Variants in MCC observed in about 807,000 individuals in gnomAD.
The protein encoded by MCC is MCC regulator of Wnt signaling pathway, also known as colorectal mutant cancer protein.
Under a neutral mutation model 116.2 loss-of-function variants are expected in MCC, and 90 were observed. That is an observed-to-expected ratio of 0.77 (90% confidence interval 0.65 to 0.92). The LOEUF (loss-of-function observed/expected upper bound fraction) is 0.92. Among genes scored for constraint, MCC ranks in the 40% least tolerant of loss-of-function variants. MCC has a pLI of 0.00. For missense variants in MCC, 1,516 were observed against 1,312.2 expected (o/e 1.16, Z -2.40); for synonymous variants, 578 against 510.5 (o/e 1.13, Z -1.78).
intron 3 of MCC, among the ~76,000 whole-genome samples, chr5:113,178,116 G>A (rs772362993): frequency 2.3e-4 from 35 of 152,322 alleles, no homozygotes; most frequent in South Asian, 1.2e-3. Context: ...GGGTATGAGT[G>A]GCAGCGGAAG....
chr5:113,189,866 A>G (rs1762070189), intron 3 of MCC, among the ~76,000 whole-genome samples: 1 of 152,190 alleles, frequency 6.6e-6, no homozygotes, highest in Non-Finnish European at 1.5e-5. Flanking sequence ...AAGCCCAGTA[A>G]CCACCATTAC....
chr5:113,232,941 C>A (rs1763990631), intron 3 of MCC, among the ~76,000 whole-genome samples: 1 of 152,048 alleles, frequency 6.6e-6, no homozygotes, highest in African/African-American at 2.4e-5. Flanking sequence ...AGGAGCAGAA[C>A]CAGGATTGGA....
At chr5:113,065,688 C>T (rs1753555297) in intron 13 of MCC, among the ~76,000 whole-genome samples, 1 of 152,192 alleles carries the variant, frequency 6.6e-6, no homozygotes, top group Admixed American at 6.5e-5. Flanking sequence ...GAATGAATGC[C>T]TGTGACATCA....
At chr5:113,027,583 G>A (rs1424051845) in intron 18 of MCC, 101 bp from the exon 19 acceptor site, 1 of 1,047,556 alleles carries the variant, frequency 9.5e-7, no homozygotes. Flanking sequence ...GCACTGCTCT[G>A]AAGAAAGATC....
At chr5:113,107,248 C>A (rs537193425) in intron 6 of MCC, among the ~76,000 whole-genome samples, 4 of 137,970 alleles carry the variant, frequency 2.9e-5, no homozygotes, top group Non-Finnish European at 6.1e-5. Context: ...GATGGAGTCT[C>A]GCTCTGTCTC....
intron 3 of MCC, among the ~76,000 whole-genome samples, chr5:113,197,482 G>A (rs1762470636): frequency 6.6e-6 from 1 of 152,134 alleles, no homozygotes; most frequent in Non-Finnish European, 1.5e-5. Flanking sequence ...TGAAGAGGGT[G>A]AATTGTATGA....
At chr5:113,043,771 G>T in intron 16 of MCC, 141 bp from the exon 17 acceptor site, 1 of 612,730 alleles carries the variant, frequency 1.6e-6, no homozygotes, top group Non-Finnish European at 2.9e-6. Context: ...TCATGCCAAA[G>T]GGGAAAGCCT....
intron 11 of MCC, among the ~76,000 whole-genome samples, chr5:113,075,936 T>C (rs1156272477): frequency 6.6e-6 from 1 of 152,178 alleles, no homozygotes; most frequent in Non-Finnish European, 1.5e-5. Context: ...TGCGCCCCCT[T>C]TAAGAGCTGT....
At chr5:113,263,343 C>G (rs2150349429) in intron 3 of MCC, among the ~76,000 whole-genome samples, 1 of 152,294 alleles carries the variant, frequency 6.6e-6, no homozygotes, top group East Asian at 1.9e-4. Context: ...CAAGAGGAGA[C>G]ATCTACTCAG....
At chr5:113,481,101 A>T (rs1028143000) in intron 1 of MCC, among the ~76,000 whole-genome samples, 8 of 152,162 alleles carry the variant, frequency 5.3e-5, no homozygotes, top group African/African-American at 1.7e-4. Context: ...AAATATGAAG[A>T]AGTTTTAGAA....
intron 1 of MCC, among the ~76,000 whole-genome samples, chr5:113,478,704 TA>T (rs975684613): frequency 1.5e-4 from 23 of 152,124 alleles, no homozygotes; most frequent in African/African-American, 5.6e-4. Flanking sequence ...GACAAATGAC[TA>T]AAATTTGGAA....
intron 1 of MCC, among the ~76,000 whole-genome samples, chr5:113,395,558 T>C (rs113998419): frequency 0.014 from 2,176 of 152,302 alleles, 22 homozygotes; most frequent in Middle Eastern, 0.027. Flanking sequence ...TTCCCCTACC[T>C]GCTCCTTTTC....
intron 3 of MCC, chr5:113,234,501 C>T (rs1764059374): frequency 6.6e-6 from 1 of 152,174 alleles, no homozygotes; most frequent in Non-Finnish European, 1.5e-5. Context: ...AGTAGAGGAG[C>T]ACACTGCAGC....
chr5:113,204,803 C>G (rs1762839138), intron 3 of MCC, among the ~76,000 whole-genome samples: 1 of 152,194 alleles, frequency 6.6e-6, no homozygotes, highest in Non-Finnish European at 1.5e-5. Context: ...TGTCAGATAG[C>G]AGACCTCAAA....
At chr5:113,292,256 A>T (rs114398187) in intron 3 of MCC, among the ~76,000 whole-genome samples, 5,435 of 152,238 alleles carry the variant, frequency 0.036, 326 homozygotes, top group African/African-American at 0.12. Flanking sequence ...ATAAAAATTT[A>T]AAAAATTAGT....
At chr5:113,125,671 T>C (rs1019578782) in intron 5 of MCC, among the ~76,000 whole-genome samples, 9 of 152,162 alleles carry the variant, frequency 5.9e-5, no homozygotes, top group Non-Finnish European at 1.3e-4. Flanking sequence ...TATTGTTCCA[T>C]CAAGAGCTAT....
chr5:113,484,845 T>C (rs1304904261), intron 1 of MCC, among the ~76,000 whole-genome samples: 1 of 152,184 alleles, frequency 6.6e-6, no homozygotes, highest in Non-Finnish European at 1.5e-5. Context: ...CCACCTTCTA[T>C]AATATGGTAT....
At chr5:113,276,600 A>AAG (rs1291494196) in intron 3 of MCC, among the ~76,000 whole-genome samples, 1 of 152,202 alleles carries the variant, frequency 6.6e-6, no homozygotes, top group Non-Finnish European at 1.5e-5. Context: ...TATGATATAT[A>AAG]AGATGGACTA....
At chr5:113,295,466 T>C (rs563539995) in intron 3 of MCC, among the ~76,000 whole-genome samples, 3 of 152,208 alleles carry the variant, frequency 2.0e-5, no homozygotes, top group South Asian at 2.1e-4. Flanking sequence ...AAGATGTCGA[T>C]AGGCTCCCCA....
Sources: gnomAD v4.1 joint callset for allele counts (sites outside exome capture counted in the v4.1 genomes callset) on GRCh38, gnomAD v4.1.1 for gene constraint, MANE v1.5 for transcripts, NCBI Gene and HGNC (gene_info 2026-07-23, HGNC 2026-07-21) for gene names.